Variants in CDH8 observed in about 807,000 individuals in gnomAD.
CDH8 encodes cadherin 8.
Under a neutral mutation model 68.1 loss-of-function variants are expected in CDH8, and 17 were observed. The ratio of observed to expected loss-of-function variants is 0.25; its 90% CI spans 0.17 to 0.37. The LOEUF (loss-of-function observed/expected upper bound fraction) is 0.37, where lower values mean the gene tolerates loss of function less well. Among genes scored for constraint, CDH8 ranks in the 10% least tolerant of loss-of-function variants. The pLI, the probability that CDH8 is intolerant of heterozygous loss-of-function variation, is 1.00. For missense variants in CDH8, 763 were observed against 999.3 expected (o/e 0.76, Z 3.19); for synonymous variants, 372 against 365.1 (o/e 1.02, Z -0.21).
chr16:61,953,926 T>TATATATATATAA (rs1366207636), intron 2 of CDH8, among the ~76,000 whole-genome samples: 4 of 118,988 alleles, frequency 3.4e-5, no homozygotes, highest in African/African-American at 1.3e-4. Context: ...TATATATATA[T>TATATATATATAA]AAAATACCTT....
chr16:62,031,123 T>C (rs181124578), intron 1 of CDH8, among the ~76,000 whole-genome samples: 9 of 152,332 alleles, frequency 5.9e-5, no homozygotes, highest in Admixed American at 3.9e-4. Context: ...TAACTTTGCA[T>C]CAAATATAGT....
intron 10 of CDH8, among the ~76,000 whole-genome samples, chr16:61,702,223 T>A (rs1596880683): frequency 6.6e-6 from 1 of 152,130 alleles, no homozygotes; most frequent in African/African-American, 2.4e-5. Context: ...ATACAAAAAA[T>A]TAGCCGGGAG....
intron 8 of CDH8, among the ~76,000 whole-genome samples, chr16:61,731,299 G>A (rs1959530409): frequency 6.6e-6 from 1 of 151,680 alleles, no homozygotes; most frequent in Non-Finnish European, 1.5e-5. Context: ...CAGCTGAAAT[G>A]AGCCTTCTAG....
intron 9 of CDH8, among the ~76,000 whole-genome samples, chr16:61,716,495 T>C (rs1191259331): frequency 6.6e-6 from 1 of 151,778 alleles, no homozygotes; most frequent in Non-Finnish European, 1.5e-5. Context: ...AGTCTCAGAT[T>C]ATAACTCAGC....
intron 10 of CDH8, among the ~76,000 whole-genome samples, chr16:61,656,555 A>G (rs1963452061): frequency 6.6e-6 from 1 of 152,194 alleles, no homozygotes; most frequent in Non-Finnish European, 1.5e-5. Context: ...CATTCACATT[A>G]AGATACAGCA....
At chr16:61,677,788 C>T (rs1396916245) in intron 10 of CDH8, among the ~76,000 whole-genome samples, 1 of 151,972 alleles carries the variant, frequency 6.6e-6, no homozygotes, top group African/African-American at 2.4e-5. Flanking sequence ...TGAATAGACC[C>T]CTCCTGTTGG....
chr16:62,007,357 AATT>A (rs1965993994), intron 2 of CDH8, among the ~76,000 whole-genome samples: 1 of 152,290 alleles, frequency 6.6e-6, no homozygotes, highest in Admixed American at 6.5e-5. Context: ...CTAATTATTA[AATT>A]ATTATGTTTC....
chr16:61,789,571 T>C lies in CDH8; in HGVS notation c.1278-89A>G, dbSNP rs1961329842. ...ACCTTTAGTAATCCTTGGAGAGCCA[T>C]ATTTGTGAAATCAAATGAATTGGGA... On this transcript the variant is annotated intron_variant, in intron 7 of 11. Coordinates refer to ENST00000577390, the MANE Select transcript of CDH8 (RefSeq NM_001796.5). 4.1e-6 allele frequency: 5 copies of C among 1,230,574 alleles called. No homozygotes were observed. The Admixed American group carries it at 8.5e-5, about 21-fold the overall frequency. 76.2% of individuals were successfully genotyped at this position (1,230,574 alleles called of 1,614,324 possible). A position where few individuals can be genotyped will look rare whatever the true frequency, so the allele number is the denominator to read the frequency against.
At chr16:61,877,975 G>A (rs535907215) in intron 3 of CDH8, among the ~76,000 whole-genome samples, 8 of 152,196 alleles carry the variant, frequency 5.3e-5, no homozygotes, top group South Asian at 4.1e-4. Flanking sequence ...ATGTATTAGC[G>A]GTTGCTGTGT....
At chr16:61,779,463 G>GTGTGTA (rs1469515970) in intron 8 of CDH8, among the ~76,000 whole-genome samples, 1 of 141,662 alleles carries the variant, frequency 7.1e-6, no homozygotes, top group Non-Finnish European at 1.5e-5. Flanking sequence ...GTGTGTGTGT[G>GTGTGTA]TGCGCGCATG....
intron 9 of CDH8, among the ~76,000 whole-genome samples, chr16:61,722,346 G>C (rs1013296930): frequency 3.3e-5 from 5 of 150,630 alleles, no homozygotes; most frequent in Admixed American, 1.3e-4. Flanking sequence ...AGTTTTCTTT[G>C]TTCTTTGTTC....
At chr16:61,783,953 G>C (rs1213729905) in intron 8 of CDH8, among the ~76,000 whole-genome samples, 1 of 151,986 alleles carries the variant, frequency 6.6e-6, no homozygotes, top group Non-Finnish European at 1.5e-5. Flanking sequence ...ACATGGAAAG[G>C]AACAACCGGT....
chr16:61,725,435 T>C (rs1959325867), intron 9 of CDH8: 1 of 150,802 alleles, frequency 6.6e-6, no homozygotes, highest in South Asian at 2.1e-4. Flanking sequence ...ATCTGATGAG[T>C]TTTGCATGAG....
intron 2 of CDH8, among the ~76,000 whole-genome samples, chr16:61,981,220 T>G (rs1222054859): frequency 6.6e-6 from 1 of 152,184 alleles, no homozygotes; most frequent in African/African-American, 2.4e-5. Context: ...ATTCAGAAAT[T>G]GTTCTAATAA....
chr16:61,813,165 A>G (rs1223070440), intron 7 of CDH8, among the ~76,000 whole-genome samples: 1 of 152,134 alleles, frequency 6.6e-6, no homozygotes, highest in African/African-American at 2.4e-5. Flanking sequence ...CTTTCCTGAT[A>G]TTCAGTGAGG....
intron 4 of CDH8, among the ~76,000 whole-genome samples, chr16:61,855,949 T>C (rs1224113227): frequency 2.6e-5 from 4 of 152,128 alleles, no homozygotes; most frequent in Admixed American, 6.6e-5. Context: ...ATTATACCCC[T>C]AATTAATGTG....
chr16:61,931,356 G>A (rs1021165758), intron 2 of CDH8, among the ~76,000 whole-genome samples: 51 of 152,092 alleles, frequency 3.4e-4, no homozygotes, highest in African/African-American at 1.1e-3. Context: ...TATTATTTTC[G>A]TAGAGACAGG....
intron 1 of CDH8, among the ~76,000 whole-genome samples, chr16:62,028,225 C>T (rs928233508): frequency 1.3e-5 from 2 of 151,764 alleles, no homozygotes; most frequent in East Asian, 1.9e-4. Flanking sequence ...CCACAATGCC[C>T]GGCTAATTTT....
intron 10 of CDH8, among the ~76,000 whole-genome samples, chr16:61,662,087 GTTTTT>G: frequency 2.2e-5 from 2 of 92,792 alleles, no homozygotes; most frequent in African/African-American, 8.0e-5. Context: ...TTTTACTTTA[GTTTTT>G]TTTTTTTTTT....
Sources: gnomAD v4.1 joint callset for allele counts (sites outside exome capture counted in the v4.1 genomes callset) on GRCh38, gnomAD v4.1.1 for gene constraint, MANE v1.5 for transcripts, NCBI Gene and HGNC (gene_info 2026-07-23, HGNC 2026-07-21) for gene names.